GPHN: variants seen among roughly 807,000 people sequenced by gnomAD.
The protein encoded by GPHN is gephyrin.
In GPHN, 17 loss-of-function variants were observed where a neutral mutation model predicts 95.5. That is an observed-to-expected ratio of 0.18 (90% CI 0.12 to 0.27). The LOEUF (loss-of-function observed/expected upper bound fraction) is 0.27. Among genes scored for constraint, GPHN ranks in the 10% least tolerant of loss-of-function variants. The pLI, the probability that GPHN is intolerant of heterozygous loss-of-function variation, is 1.00. For synonymous variants in GPHN, 320 were observed against 322.5 expected (o/e 0.99, Z 0.08); for missense variants, 660 against 978.1 (o/e 0.67, Z 4.34).
the GPHN span, among the ~76,000 whole-genome samples, chr14:67,706,517 G>T: frequency 6.6e-6 from 1 of 152,212 alleles, no homozygotes; most frequent in Non-Finnish European, 1.5e-5. Flanking sequence ...GGTCTGGAAA[G>T]GAGGGACAGC....
chr14:66,688,092 G>A lies in GPHN; in HGVS notation c.143+6907G>A, dbSNP rs76142017. 3.7e-3 allele frequency among the ~76,000 whole-genome samples: 560 copies of A among 152,110 alleles called. 12 individuals are homozygous for A. The highest frequency in any genetic ancestry group is 0.013 in the African/African-American group (532 of 41,496). ...GTTGACTAACACATATTTTACATAC[G>A]TATTACATACTGTATTCTTGAAATA... On this transcript the variant is annotated intron_variant, in intron 2 of 22. Transcript: ENST00000478722.
chr14:67,561,787 T>C, the GPHN span, among the ~76,000 whole-genome samples: 1 of 151,572 alleles, frequency 6.6e-6, no homozygotes, highest in African/African-American at 2.4e-5. Flanking sequence ...GGAGGATCAG[T>C]TGGGCCTGGG....
chr14:67,368,206 C>T, the GPHN span, among the ~76,000 whole-genome samples: 7 of 152,166 alleles, frequency 4.6e-5, no homozygotes, highest in East Asian at 9.6e-4. Context: ...GGCAGAGCAG[C>T]GTAAACGGCT....
chr14:66,909,090 G>C (rs867455333), intron 5 of GPHN, among the ~76,000 whole-genome samples: 1 of 152,016 alleles, frequency 6.6e-6, no homozygotes, highest in Non-Finnish European at 1.5e-5. Context: ...TGCCACAAAG[G>C]TTCCATAATA....
At chr14:66,940,845 G>A (rs1035868193) in intron 8 of GPHN, among the ~76,000 whole-genome samples, 1 of 152,198 alleles carries the variant, frequency 6.6e-6, no homozygotes, top group African/African-American at 2.4e-5. Flanking sequence ...ATGCTAAGGT[G>A]AAGCTGTGGA....
chr14:67,108,379 G>A (rs1012102945), intron 13 of GPHN, among the ~76,000 whole-genome samples: 5 of 152,260 alleles, frequency 3.3e-5, no homozygotes, highest in South Asian at 2.1e-4. Flanking sequence ...CTCACCAGAC[G>A]CCAAAGTGGT....
the GPHN span, chr14:67,340,459 C>G: frequency 6.2e-7 from 1 of 1,613,884 alleles, no homozygotes; most frequent in South Asian, 1.1e-5. Context: ...TCTTCTCGCT[C>G]TCTCTCATCC....
chr14:67,384,307 TG>T, the GPHN span: 3 of 152,120 alleles, frequency 2.0e-5, no homozygotes, highest in Admixed American at 1.3e-4. Flanking sequence ...ATCCACTAGA[TG>T]CCACCTAGAG....
At chr14:67,085,402 C>G (rs982188988) in intron 11 of GPHN, among the ~76,000 whole-genome samples, 89 of 152,196 alleles carry the variant, frequency 5.8e-4, no homozygotes, top group Middle Eastern at 3.2e-3. Context: ...CTAAATCTTG[C>G]AAAAGCAGAA....
chr14:67,403,639 C>T, the GPHN span, among the ~76,000 whole-genome samples: 1 of 152,192 alleles, frequency 6.6e-6, no homozygotes, highest in Non-Finnish European at 1.5e-5. Flanking sequence ...AGGAGAAAAA[C>T]TGATGACAAA....
At chr14:67,321,301 A>ATG in the GPHN span, 2 of 1,590,368 alleles carry the variant, frequency 1.3e-6, no homozygotes, top group Non-Finnish European at 1.7e-6. Flanking sequence ...CTTAGAAGGA[A>ATG]TGTCATATAG....
the GPHN span, chr14:67,385,478 T>A: frequency 6.6e-6 from 1 of 150,660 alleles, no homozygotes; most frequent in African/African-American, 2.4e-5. Flanking sequence ...GAATCTCCCA[T>A]CAAAGCCTTT....
intron 4 of GPHN, among the ~76,000 whole-genome samples, chr14:66,844,332 T>C (rs1047093270): frequency 3.3e-5 from 5 of 152,186 alleles, no homozygotes; most frequent in African/African-American, 1.2e-4. Flanking sequence ...TAACATTATC[T>C]GCACTGTAAA....
the GPHN span, among the ~76,000 whole-genome samples, chr14:67,479,611 G>C: frequency 2.0e-5 from 3 of 152,022 alleles, no homozygotes; most frequent in African/African-American, 7.3e-5. Flanking sequence ...CCAGCTACTC[G>C]GGAGGCTGAG....
At chr14:67,305,663 A>G in the GPHN span, among the ~76,000 whole-genome samples, 1 of 152,194 alleles carries the variant, frequency 6.6e-6, no homozygotes, top group African/African-American at 2.4e-5. Context: ...TTTTTCATGG[A>G]TAGAATTAAT....
At chr14:67,429,478 C>T in the GPHN span, among the ~76,000 whole-genome samples, 1 of 150,896 alleles carries the variant, frequency 6.6e-6, no homozygotes, top group Non-Finnish European at 1.5e-5. Flanking sequence ...ATTCGCCCAC[C>T]TCGGCCTCCT....
chr14:66,581,411 A>G (rs906874658), intron 1 of GPHN, among the ~76,000 whole-genome samples: 1 of 151,944 alleles, frequency 6.6e-6, no homozygotes, highest in African/African-American at 2.4e-5. Context: ...AGATACACTT[A>G]AGATAAAAAG....
At chr14:66,958,865 C>G (rs994326322) in intron 8 of GPHN, among the ~76,000 whole-genome samples, 32 of 152,026 alleles carry the variant, frequency 2.1e-4, no homozygotes, top group African/African-American at 7.2e-4. Flanking sequence ...AGGGTTTCTT[C>G]CATTTTGCTA....
At chr14:66,947,840 A>G (rs375741681) in intron 8 of GPHN, among the ~76,000 whole-genome samples, 8 of 152,232 alleles carry the variant, frequency 5.3e-5, no homozygotes, top group African/African-American at 1.7e-4. Flanking sequence ...CTGTTGTCCT[A>G]GCTATTTGGG....
Sources: gnomAD v4.1 joint callset for allele counts (sites outside exome capture counted in the v4.1 genomes callset) on GRCh38, gnomAD v4.1.1 for gene constraint, MANE v1.5 for transcripts, NCBI Gene and HGNC (gene_info 2026-07-23, HGNC 2026-07-21) for gene names.